The following TBC1D1 variants were observed in gnomAD, a reference collection of about 807,000 sequenced individuals.
The protein encoded by TBC1D1 is TBC1 (tre-2/USP6, BUB2, cdc16) domain family, member 1.
A neutral mutation model predicts 125.6 loss-of-function variants in TBC1D1; 89 were observed. The observed-to-expected ratio is 0.71, with a 90% CI of 0.60 to 0.85. TBC1D1 has a LOEUF of 0.85. Among genes scored for constraint, TBC1D1 ranks in the 40% least tolerant of loss-of-function variants. The pLI is 0.00. For missense variants in TBC1D1, 1,377 were observed against 1,469.2 expected (o/e 0.94, Z 1.03); for synonymous variants, 565 against 564.1 (o/e 1.00, Z -0.02).
intron 12 of TBC1D1, among the ~76,000 whole-genome samples, chr4:38,062,903 G>A (rs1476010115): frequency 6.6e-6 from 1 of 152,122 alleles, no homozygotes; most frequent in Non-Finnish European, 1.5e-5. Context: ...CTGAGGGCTT[G>A]GATGCTGAGA....
At position 38,053,990 on chromosome 4, in the gene TBC1D1, A is replaced by G. The variant is rs375748278; in HGVS notation, c.1911-209A>G. ...AATCGAAATCACTTAAGGGCATGTA[A>G]TCTTTCTCTTTTCATGAAAAGAATT... On this transcript the variant is annotated intron_variant, in intron 11 of 19. Coordinates refer to ENST00000261439, the MANE Select transcript of TBC1D1 (RefSeq NM_015173.4). 7.7e-4 allele frequency among the ~76,000 whole-genome samples: 118 copies of G among 152,350 alleles called. 2 individuals are homozygous for G. In the South Asian group the frequency reaches 0.023, roughly 30 times the overall value.
intron 12 of TBC1D1, among the ~76,000 whole-genome samples, chr4:38,061,107 A>G (rs896369999): frequency 1.3e-5 from 2 of 152,226 alleles, no homozygotes; most frequent in Admixed American, 6.5e-5. Context: ...GTGATTAAAA[A>G]CATGGTAAGG....
At chr4:37,969,579 C>T (rs772767851) in intron 2 of TBC1D1, among the ~76,000 whole-genome samples, 28 of 152,248 alleles carry the variant, frequency 1.8e-4, no homozygotes, top group Non-Finnish European at 3.5e-4. Context: ...CTCTTGACCT[C>T]GGGTGATCCA....
intron 2 of TBC1D1, among the ~76,000 whole-genome samples, chr4:37,906,154 T>TCCCCC (rs113545613): frequency 5.9e-5 from 9 of 151,804 alleles, no homozygotes; most frequent in African/African-American, 2.2e-4. Flanking sequence ...CTTTTTCTTT[T>TCCCCC]CCCCCCCGCT....
intron 2 of TBC1D1, among the ~76,000 whole-genome samples, chr4:37,974,823 T>C (rs1732739755): frequency 6.6e-6 from 1 of 152,222 alleles, no homozygotes; most frequent in Non-Finnish European, 1.5e-5. Context: ...CCTCCCAAAG[T>C]GCTGGGATTA....
chr4:38,079,203 T>A lies in TBC1D1; in HGVS notation c.2051-10729T>A, dbSNP rs1046804256. 9.2e-5 allele frequency among the ~76,000 whole-genome samples: 14 copies of A among 152,162 alleles called. 1 individual carries two copies. The highest frequency in any genetic ancestry group is 9.2e-4 in the Admixed American group (14 of 15,280). On this transcript the variant is annotated intron_variant, in intron 12 of 19. Transcript: ENST00000261439. The stretch of plus-strand genomic sequence containing the variant: ...CGTGATCTTAGCTTTTAGTAGTATA[T>A]TTTTCTGTTTATGTTAGGTGAGTCA...
At chr4:37,964,633 TG>T (rs2152336772) in intron 2 of TBC1D1, among the ~76,000 whole-genome samples, 1 of 152,346 alleles carries the variant, frequency 6.6e-6, no homozygotes, top group African/African-American at 2.4e-5. Flanking sequence ...CAGCGTAGCC[TG>T]GATGGGGACA....
rs2152321581 is a variant in TBC1D1, at chr4:37,953,706, C to T, written c.417+51194C>T. On this transcript the variant is annotated intron_variant, in intron 2 of 19. Transcript: ENST00000261439. ...ATTCTACAGAACCTTAGAGCTCCTTCAAGGGAGGGATAAACATGAGCCACG... is the reference window on the plus strand; with the variant it reads ...ATTCTACAGAACCTTAGAGCTCCTTTAAGGGAGGGATAAACATGAGCCACG... 1.3e-5 allele frequency among the ~76,000 whole-genome samples: 2 copies of T among 152,232 alleles called. 1 individual carries two copies. The highest frequency in any genetic ancestry group is 4.1e-4 in the South Asian group (2 of 4,822).
chr4:38,001,279 G>A (rs750721944), intron 2 of TBC1D1, among the ~76,000 whole-genome samples: 2 of 152,052 alleles, frequency 1.3e-5, no homozygotes, highest in Admixed American at 6.5e-5. Context: ...GAAGAGATAC[G>A]TAAGGCAAGG....
At chr4:38,028,011 CA>C in intron 7 of TBC1D1, 132 bp downstream of exon 7, 1 of 553,140 alleles carries the variant, frequency 1.8e-6, no homozygotes, top group Middle Eastern at 2.8e-4. Context: ...GTCTTGGTTT[CA>C]GGGGTGACCA....
intron 7 of TBC1D1, among the ~76,000 whole-genome samples, chr4:38,028,405 C>A (rs1295780630): frequency 6.6e-6 from 1 of 152,202 alleles, no homozygotes; most frequent in East Asian, 1.9e-4. Context: ...ACCTCATGAT[C>A]TGCCTGCCTT....
intron 2 of TBC1D1, among the ~76,000 whole-genome samples, chr4:37,956,501 G>A (rs1229708735): frequency 6.6e-6 from 1 of 152,208 alleles, no homozygotes; most frequent in Non-Finnish European, 1.5e-5. Context: ...TGAATGTGAA[G>A]TGAATAAACT....
At chr4:37,968,656 G>A (rs1048062272) in intron 2 of TBC1D1, among the ~76,000 whole-genome samples, 1 of 152,166 alleles carries the variant, frequency 6.6e-6, no homozygotes, top group Non-Finnish European at 1.5e-5. Context: ...AATTTATTGA[G>A]CACCGTTTGC....
At chr4:38,102,163 C>G (rs1454195043) in intron 14 of TBC1D1, among the ~76,000 whole-genome samples, 3 of 151,680 alleles carry the variant, frequency 2.0e-5, no homozygotes. Context: ...TTAATGGGTG[C>G]AGCACACCAA....
rs765238323 is a variant in TBC1D1 at position 38,014,760 on chromosome 4, G to C, written c.669G>C (p.Gly223=). Residue 223 remains glycine, a synonymous_variant, in exon 3 of 20, where the codon GGG becomes GGC. Coordinates refer to ENST00000261439, the MANE Select transcript of TBC1D1 (RefSeq NM_015173.4). The surrounding 1 kb of genome is among the most constrained non-coding windows in gnomAD (Gnocchi z 5.1). ...ACCCGCCCCATGCCGCGCCCACAGG[G>C]AGCCAGGAGCCTGTGCGCAGGCCCA... The C allele has an allele frequency of 6.2e-7, 1 of 1,610,936 alleles. No homozygotes were observed. Among genetic ancestry groups the C allele is most frequent in the African/African-American group, 1.3e-5 (1 of 74,850 alleles).
At chr4:38,094,699 C>G (rs1489614480) in intron 13 of TBC1D1, among the ~76,000 whole-genome samples, 1 of 152,126 alleles carries the variant, frequency 6.6e-6, no homozygotes, top group Non-Finnish European at 1.5e-5. Flanking sequence ...GCCTGCTGGG[C>G]TCTGTTAGGG....
chr4:38,000,513 C>G (rs1738831272), intron 2 of TBC1D1, among the ~76,000 whole-genome samples: 1 of 152,146 alleles, frequency 6.6e-6, no homozygotes, highest in Non-Finnish European at 1.5e-5. Flanking sequence ...TGTCGGTGCT[C>G]AAAAGTTTCC....
intron 2 of TBC1D1, among the ~76,000 whole-genome samples, chr4:37,992,731 G>C (rs192827936): frequency 2.0e-3 from 299 of 151,554 alleles, no homozygotes; most frequent in African/African-American, 6.7e-3. Context: ...CTGACCTCGT[G>C]ATCTGCCCGC....
chr4:37,977,278 C>T lies in TBC1D1; in HGVS notation c.418-37231C>T, dbSNP rs1378222080. The T allele has an allele frequency of 1.3e-5, 2 of 148,408 alleles. No homozygotes were observed. The highest frequency in any genetic ancestry group is 3.0e-5 in the Non-Finnish European group (2 of 66,398). The allele number at this position is 148,408 out of a possible 1,614,324, so 9.2% of individuals were successfully genotyped here. ...CCCCCGCCCACCCCCTCCCCGCGCT[C>T]TCCCCTCCCACTTCCCTTTCTCTGC... is the stretch of plus-strand genomic sequence containing the variant. On this transcript the variant is annotated intron_variant, in intron 2 of 19. Transcript: ENST00000261439. This position sits in a 1 kb window ranked among gnomAD's most constrained non-coding sequence, Gnocchi z 4.3.
Sources: gnomAD v4.1 joint callset for allele counts (sites outside exome capture counted in the v4.1 genomes callset) on GRCh38, gnomAD v4.1.1 for gene constraint, Gnocchi (gnomAD v3.1) non-coding constraint, MANE v1.5 for transcripts, NCBI Gene and HGNC (gene_info 2026-07-23, HGNC 2026-07-21) for gene names.